Variants in MIB1 observed in about 807,000 individuals in gnomAD.
The protein encoded by MIB1 is MIB E3 ubiquitin protein ligase 1, also known as E3 ubiquitin-protein ligase MIB1.
MIB1 carries 278 observed loss-of-function variants against 124.5 expected under a neutral mutation model. The observed-to-expected ratio is 2.23, with a 90% CI of 2.02 to 2.47. The LOEUF (loss-of-function observed/expected upper bound fraction) is 2.47. Ranked by LOEUF, MIB1 falls within the 30% of genes most tolerant of loss-of-function variation. The pLI, the probability that MIB1 is intolerant of heterozygous loss-of-function variation, is 0.00. For missense variants in MIB1, 957 were observed against 1,254.4 expected, an observed-to-expected ratio of 0.76 and a Z score of 3.58; for synonymous variants, 446 against 429.4, an observed-to-expected ratio of 1.04 and a Z score of -0.48.
intron 1 of MIB1, among the ~76,000 whole-genome samples, chr18:21,765,446 C>T (rs1375347265): frequency 6.6e-6 from 1 of 152,156 alleles, no homozygotes; most frequent in African/African-American, 2.4e-5. Flanking sequence ...GTTTTGTAGT[C>T]TGAAACATCT....
chr18:21,741,844 C>G lies in MIB1; in HGVS notation c.229+32C>G, dbSNP rs2040856927. 2.0e-6 allele frequency: 3 copies of G among 1,528,752 alleles called. No homozygotes were observed. Among genetic ancestry groups the G allele is most frequent in the Non-Finnish European group, 2.6e-6 (3 of 1,134,174 alleles). 94.7% of individuals were successfully genotyped at this position (1,528,752 alleles called of 1,614,324 possible). On this transcript the variant is annotated intron_variant, in intron 1 of 20. Coordinates refer to ENST00000261537, the MANE Select transcript of MIB1 (RefSeq NM_020774.4). The surrounding 1 kb of genome is among the most constrained non-coding windows in gnomAD (Gnocchi z 5.4). ...CGCGGCCACCTGGCCAGGGCTTGCG[C>G]GCGCGGGGGGAAGGGGCGAGCTGCG...
At chr18:21,808,081 C>T (rs2041728761) in intron 10 of MIB1, among the ~76,000 whole-genome samples, 1 of 152,082 alleles carries the variant, frequency 6.6e-6, no homozygotes, top group Non-Finnish European at 1.5e-5. Context: ...ACCTTTATCA[C>T]ACCTGAAAAT....
intron 1 of MIB1, among the ~76,000 whole-genome samples, chr18:21,733,198 A>C (rs2040780281): frequency 6.6e-6 from 1 of 152,200 alleles, no homozygotes; most frequent in Admixed American, 6.5e-5. Context: ...TCTTGTCTGC[A>C]GCTGATGTGA....
At chr18:21,822,016 C>T (rs1027938477) in intron 12 of MIB1, among the ~76,000 whole-genome samples, 20 of 152,188 alleles carry the variant, frequency 1.3e-4, no homozygotes, top group Non-Finnish European at 5.9e-5. Flanking sequence ...GTTCATCCTA[C>T]ATATGCTCTG....
intron 12 of MIB1, among the ~76,000 whole-genome samples, chr18:21,823,863 C>G (rs1157919472): frequency 6.6e-6 from 1 of 152,002 alleles, no homozygotes; most frequent in Non-Finnish European, 1.5e-5. Flanking sequence ...TTTATCATCT[C>G]TTAGTATATA....
At chr18:21,768,017 G>A (rs1159631589) in intron 2 of MIB1, among the ~76,000 whole-genome samples, 2 of 152,136 alleles carry the variant, frequency 1.3e-5, no homozygotes, top group Admixed American at 1.3e-4. Context: ...CTTTAGACTG[G>A]ACCTTTTAGA....
At position 21,791,729 on chromosome 18, in the gene MIB1, G is replaced by A. The variant is rs114789849; in HGVS notation, c.1092+172G>A. ...TTTCTAATTTATCCCAGTTAAATTA[G>A]CCTGGGAAGATCCAGAAAAGGTTAC... On this transcript the variant is annotated intron_variant, in intron 7 of 20. Transcript: ENST00000261537. Among the ~76,000 whole-genome samples, 2,713 of 152,236 alleles carry A rather than the reference G, an allele frequency of 0.018. 79 individuals carry two copies. Among genetic ancestry groups the A allele is most frequent in the African/African-American group, 0.06 (2,478 of 41,522 alleles).
At chr18:21,825,500 T>C (rs531904712) in intron 12 of MIB1, 10 of 281,784 alleles carry the variant, frequency 3.5e-5, no homozygotes, top group Non-Finnish European at 7.0e-5. Flanking sequence ...GTAAAATTTT[T>C]ATTTGAAATC....
intron 20 of MIB1, among the ~76,000 whole-genome samples, chr18:21,861,263 A>G (rs117036718): frequency 2.1e-3 from 327 of 152,206 alleles, no homozygotes; most frequent in Middle Eastern, 6.8e-3. Context: ...AACATTTAAT[A>G]TATCTAATAC....
chr18:21,813,243 T>G (rs776759399), intron 10 of MIB1, among the ~76,000 whole-genome samples: 1 of 151,576 alleles, frequency 6.6e-6, no homozygotes, highest in African/African-American at 2.4e-5. Context: ...AAAAAAAGAC[T>G]GGAAGTTAGG....
At chr18:21,776,964 G>A (rs1489041483) in intron 4 of MIB1, among the ~76,000 whole-genome samples, 1 of 150,750 alleles carries the variant, frequency 6.6e-6, no homozygotes, top group East Asian at 2.0e-4. Context: ...GTGACAGAGC[G>A]AGACTCCATC....
chr18:21,826,487 C>T (rs762558699), intron 12 of MIB1: 1 of 152,032 alleles, frequency 6.6e-6, no homozygotes, highest in Non-Finnish European at 1.5e-5. Flanking sequence ...AGGTCTATTT[C>T]CTTGACTAAG....
At position 21,817,709 on chromosome 18, in the gene MIB1, C is replaced by T. The variant is rs985313023; in HGVS notation, c.1678-1786C>T. 3.8e-5 allele frequency: 17 copies of T among 444,352 alleles called. No individual in the cohort carries two copies. The East Asian group carries it at 1.2e-3, about 30-fold the overall frequency. The allele number at this position is 444,352 out of a possible 1,614,324, so 27.5% of individuals were successfully genotyped here. ...GCATAGGGCTCTGCCCCATGATGTACAGTCCCTTTCCTCAGTGTTGGAGAT... is the reference window on the plus strand; with the variant it reads ...GCATAGGGCTCTGCCCCATGATGTATAGTCCCTTTCCTCAGTGTTGGAGAT... On this transcript the variant is annotated intron_variant, in intron 11 of 20. Coordinates refer to ENST00000261537, the MANE Select transcript of MIB1 (RefSeq NM_020774.4).
intron 18 of MIB1, among the ~76,000 whole-genome samples, chr18:21,853,786 T>C (rs75128009): frequency 0.06 from 9,182 of 152,252 alleles, 320 homozygotes; most frequent in Middle Eastern, 0.13. Flanking sequence ...CTTTTCATAT[T>C]GCCCTTGTTC....
intron 12 of MIB1, among the ~76,000 whole-genome samples, chr18:21,833,778 C>T (rs1291756230): frequency 6.6e-6 from 1 of 152,202 alleles, no homozygotes; most frequent in Non-Finnish European, 1.5e-5. Flanking sequence ...TGAATACTAT[C>T]ATGTGCCAGG....
Position 21,865,146 on chromosome 18 carries a change from A to G in MIB1, c.*480A>G, listed in dbSNP as rs1467869314. The G allele has an allele frequency of 6.6e-6, 1 of 152,408 alleles. No homozygotes were observed. Among genetic ancestry groups the G allele is most frequent in the African/African-American group, 2.4e-5 (1 of 41,462 alleles). 9.4% of individuals were successfully genotyped at this position (152,408 alleles called of 1,614,324 possible). A position where few individuals can be genotyped will look rare whatever the true frequency, so the allele number is the denominator to read the frequency against. On this transcript the variant is annotated 3_prime_UTR_variant, in exon 21 of 21. Coordinates refer to ENST00000261537, the MANE Select transcript of MIB1 (RefSeq NM_020774.4). The stretch of plus-strand genomic sequence containing the variant: ...ATGGTAAATTATAAAATGACAGTAC[A>G]AGTTCCAGATAGTTAAGGGAATACC...
chr18:21,856,261 C>CAA (rs368069511), intron 18 of MIB1, among the ~76,000 whole-genome samples: 8 of 130,830 alleles, frequency 6.1e-5, no homozygotes, highest in Admixed American at 7.7e-5. Context: ...AAACAAAAAA[C>CAA]AAAACAAAAC....
chr18:21,750,412 C>G (rs1466797507), intron 1 of MIB1, among the ~76,000 whole-genome samples: 1 of 152,022 alleles, frequency 6.6e-6, no homozygotes, highest in Non-Finnish European at 1.5e-5. Flanking sequence ...ACTGCAAGCT[C>G]CGCCTCTCGG....
chr18:21,817,154 CTTTT>C (rs1040673828), intron 11 of MIB1, among the ~76,000 whole-genome samples: 1 of 74,994 alleles, frequency 1.3e-5, no homozygotes, highest in African/African-American at 5.3e-5. Flanking sequence ...GTTAGGAATT[CTTTT>C]TTTTTTTTTT....
Sources: gnomAD v4.1 joint callset for allele counts (sites outside exome capture counted in the v4.1 genomes callset) on GRCh38, gnomAD v4.1.1 for gene constraint, Gnocchi (gnomAD v3.1) non-coding constraint, MANE v1.5 for transcripts, NCBI Gene and HGNC (gene_info 2026-07-23, HGNC 2026-07-21) for gene names.